Variants in OSBPL10 observed in about 807,000 individuals in gnomAD.
OSBPL10 encodes oxysterol-binding protein-related protein 10.
A neutral mutation model predicts 81.7 loss-of-function variants in OSBPL10; 49 were observed. That is an observed-to-expected ratio of 0.60 (90% CI 0.48 to 0.76). The LOEUF (loss-of-function observed/expected upper bound fraction) is 0.76. Among genes scored for constraint, OSBPL10 ranks in the 30% least tolerant of loss-of-function variants. OSBPL10 has a pLI of 0.00. For missense variants in OSBPL10, 923 were observed against 987.8 expected (o/e 0.93, Z 0.88); for synonymous variants, 419 against 383.6 (o/e 1.09, Z -1.08).
intron 2 of OSBPL10, among the ~76,000 whole-genome samples, chr3:32,009,096 G>A (rs183286064): frequency 3.9e-5 from 6 of 152,312 alleles, no homozygotes; most frequent in African/African-American, 1.2e-4. Flanking sequence ...TACAGTCACT[G>A]TAAAGTGTTT....
intron 9 of OSBPL10, among the ~76,000 whole-genome samples, chr3:31,669,731 C>A (rs574390920): frequency 6.6e-6 from 1 of 152,338 alleles, no homozygotes; most frequent in South Asian, 2.1e-4. Context: ...GTTGAAGGAA[C>A]ACCACAGGAA....
chr3:31,923,987 G>A (rs143798203), intron 1 of OSBPL10, among the ~76,000 whole-genome samples: 2,371 of 152,246 alleles, frequency 0.016, 15 homozygotes, highest in Non-Finnish European at 0.025. Flanking sequence ...AGGAGGCTGA[G>A]GTGGGTGGAT....
chr3:32,040,031 T>C (rs1039336647), intron 2 of OSBPL10, among the ~76,000 whole-genome samples: 6 of 152,162 alleles, frequency 3.9e-5, no homozygotes, highest in African/African-American at 1.4e-4. Context: ...GAGACAAAGT[T>C]TGGCAGTTCG....
At chr3:31,795,810 C>CA (rs1699198070) in intron 4 of OSBPL10, 1 of 244,488 alleles carries the variant, frequency 4.1e-6, no homozygotes, top group Non-Finnish European at 9.2e-6. Context: ...AGAAGTCTCA[C>CA]TTCCTTCTAC....
intron 3 of OSBPL10, among the ~76,000 whole-genome samples, chr3:31,832,100 C>G (rs1575572732): frequency 6.6e-6 from 1 of 152,166 alleles, no homozygotes; most frequent in East Asian, 1.9e-4. Flanking sequence ...CTCAGCTATA[C>G]AGTTAAGTGA....
intron 4 of OSBPL10, among the ~76,000 whole-genome samples, chr3:31,756,515 T>C (rs551459058): frequency 6.6e-6 from 1 of 152,204 alleles, no homozygotes; most frequent in East Asian, 1.9e-4. Context: ...GTTAACATTC[T>C]GGTATTATTC....
chr3:31,702,237 C>G, intron 7 of OSBPL10, 122 bp downstream of exon 7: 1 of 1,188,398 alleles, frequency 8.4e-7, no homozygotes, highest in South Asian at 1.6e-5. Context: ...GCAATGCTGG[C>G]CTTTTTCCCC....
Position 32,022,784 on chromosome 3 carries a change from A to C in OSBPL10, n.298+23707T>G, listed in dbSNP as rs78596615. Among the ~76,000 whole-genome samples, 233 of 152,270 alleles carry C rather than the reference A, an allele frequency of 1.5e-3. 2 individuals are homozygous for C. In the East Asian group the frequency reaches 0.041, roughly 27 times the overall value. ...ACAGAGCAAGATGCTGCAAAAAAAAAAAATTCTGATTTGCGATTAAAGGAC... is the reference window on the plus strand; with the variant it reads ...ACAGAGCAAGATGCTGCAAAAAAAACAAATTCTGATTTGCGATTAAAGGAC... On this transcript the variant is annotated intron_variant and non_coding_transcript_variant, in intron 2 of 3. Transcript: ENST00000479173.
At chr3:31,683,611 C>T in intron 8 of OSBPL10, 23 bp downstream of exon 8, 2 of 1,597,364 alleles carry the variant, frequency 1.3e-6, no homozygotes, top group Non-Finnish European at 8.6e-7. Context: ...AAGAGCCAAA[C>T]TCCAACATAC....
chr3:31,836,891 C>T (rs1018314502), intron 3 of OSBPL10, among the ~76,000 whole-genome samples: 2 of 152,186 alleles, frequency 1.3e-5, no homozygotes, highest in Admixed American at 6.5e-5. Context: ...GCTCAATTCA[C>T]TGCATTTCTC....
chr3:32,054,451 G>A (rs1699691134), intron 1 of OSBPL10, among the ~76,000 whole-genome samples: 1 of 144,294 alleles, frequency 6.9e-6, no homozygotes, highest in African/African-American at 2.5e-5. Flanking sequence ...CTTAGTGTAT[G>A]TTATTAATAG....
chr3:31,698,691 T>A (rs1339988401), intron 7 of OSBPL10, among the ~76,000 whole-genome samples: 1 of 152,082 alleles, frequency 6.6e-6, no homozygotes, highest in Non-Finnish European at 1.5e-5. Flanking sequence ...TGGGCCTTTT[T>A]CACCCCCATC....
intron 4 of OSBPL10, among the ~76,000 whole-genome samples, chr3:31,802,733 C>T (rs960743643): frequency 1.4e-4 from 21 of 151,976 alleles, no homozygotes; most frequent in African/African-American, 4.8e-4. Context: ...CGGCCAAGTT[C>T]CTGCAAACGG....
chr3:31,978,274 G>A lies in OSBPL10; in HGVS notation c.281+2625C>T, dbSNP rs74550113. The stretch of plus-strand genomic sequence containing the variant: ...AACTGCCAAAGGAAGATGCTATGAG[G>A]CCCAGAAAGAAAGGCAGCAGGAATC... On this transcript the variant is annotated intron_variant, in intron 1 of 11. Coordinates refer to ENST00000396556, the MANE Select transcript of OSBPL10 (RefSeq NM_017784.5). Among the ~76,000 whole-genome samples, 513 of 152,232 alleles carry A rather than the reference G, an allele frequency of 3.4e-3. 3 individuals are homozygous for A. The highest frequency in any genetic ancestry group is 4.4e-3 in the Non-Finnish European group (300 of 68,028).
chr3:31,883,835 T>G (rs1015315990), intron 1 of OSBPL10, among the ~76,000 whole-genome samples: 1 of 152,204 alleles, frequency 6.6e-6, no homozygotes, highest in Non-Finnish European at 1.5e-5. Flanking sequence ...CATGCCACTC[T>G]TACACAAAGG....
chr3:31,994,598 G>A (rs574613109), intron 2 of OSBPL10, among the ~76,000 whole-genome samples: 4 of 152,232 alleles, frequency 2.6e-5, no homozygotes, highest in Non-Finnish European at 5.9e-5. Context: ...GATCTTTTGG[G>A]TAGGTGTGCA....
intron 1 of OSBPL10, among the ~76,000 whole-genome samples, chr3:31,885,614 T>C (rs1348680897): frequency 6.6e-6 from 1 of 152,118 alleles, no homozygotes; most frequent in African/African-American, 2.4e-5. Flanking sequence ...AGCATACATG[T>C]TTCCTTTGTC....
intron 1 of OSBPL10, among the ~76,000 whole-genome samples, chr3:31,915,646 G>A (rs74488281): frequency 0.046 from 6,936 of 152,122 alleles, 268 homozygotes; most frequent in East Asian, 0.19. Context: ...AAAAACTATC[G>A]CATACCATGC....
At chr3:31,689,024 C>T (rs1470016400) in intron 7 of OSBPL10, among the ~76,000 whole-genome samples, 1 of 152,162 alleles carries the variant, frequency 6.6e-6, no homozygotes, top group Non-Finnish European at 1.5e-5. Context: ...GCATCTTCCT[C>T]TTCTCTTTAT....
Sources: allele counts gnomAD v4.1 joint callset (sites outside exome capture counted in the v4.1 genomes callset), GRCh38; gene constraint gnomAD v4.1.1; transcripts MANE v1.5; gene names NCBI Gene and HGNC (gene_info 2026-07-23, HGNC 2026-07-21).